LRRIQ1: variants seen among roughly 807,000 people sequenced by gnomAD.
LRRIQ1 encodes leucine-rich repeat- and IQ domain-containing protein 1.
In LRRIQ1, 210 loss-of-function variants were observed where a neutral mutation model predicts 211.9. The ratio of observed to expected loss-of-function variants is 0.99; its 90% CI spans 0.89 to 1.11. The LOEUF is 1.11. Ranked by LOEUF, LRRIQ1 falls within the 50% of genes most tolerant of loss-of-function variation. LRRIQ1 has a pLI of 0.00. For missense variants in LRRIQ1, 2,136 were observed against 1,939.5 expected (o/e 1.10, Z -1.90); for synonymous variants, 699 against 650.1 (o/e 1.08, Z -1.14).
chr12:85,192,894 A>G (rs1264358766), intron 24 of LRRIQ1, among the ~76,000 whole-genome samples: 3 of 98,728 alleles, frequency 3.0e-5, no homozygotes, highest in East Asian at 3.0e-4. Context: ...ATATATAGTT[A>G]TATACTATAA....
At chr12:85,068,031 T>C (rs1882629778) in intron 10 of LRRIQ1, among the ~76,000 whole-genome samples, 1 of 151,980 alleles carries the variant, frequency 6.6e-6, no homozygotes, top group Non-Finnish European at 1.5e-5. Context: ...ATAAAAATTG[T>C]ATTATTCACC....
At chr12:85,215,205 A>G (rs1039625690) in intron 24 of LRRIQ1, among the ~76,000 whole-genome samples, 3 of 152,204 alleles carry the variant, frequency 2.0e-5, no homozygotes, top group African/African-American at 7.2e-5. Context: ...GCTAATTGGA[A>G]TATATTATAA....
intron 3 of LRRIQ1, among the ~76,000 whole-genome samples, chr12:85,042,021 A>G (rs1311808979): frequency 6.6e-6 from 1 of 151,978 alleles, no homozygotes; most frequent in Non-Finnish European, 1.5e-5. Context: ...ATGATTATCT[A>G]TGGTTGAATT....
rs758123514 is a variant in LRRIQ1, at chr12:85,056,901, C to T, written c.2108C>T (p.Ser703Phe). ...ESSMVSKEVNSLKSEIRNISE... is the reference protein window; with the variant it reads ...ESSMVSKEVNFLKSEIRNISE... Reference sequence around the variant, plus strand: ...TCCATGGTATCTAAAGAAGTCAACTCTCTTAAATCTGAGATTAGAAATATT... The same window carrying T: ...TCCATGGTATCTAAAGAAGTCAACTTTCTTAAATCTGAGATTAGAAATATT... The change falls in exon 8 of 27, where the codon TCT (serine) becomes TTT (phenylalanine). Residue 703 changes from serine to phenylalanine, a missense_variant. Physicochemically the swap from Ser to Phe is radical, Grantham distance 155 (BLOSUM62 -2). Transcript: ENST00000393217. 36 of 1,613,100 alleles carry T rather than the reference C, an allele frequency of 2.2e-5. No homozygotes were observed. Among genetic ancestry groups the T allele is most frequent in the African/African-American group, 2.7e-5 (2 of 74,826 alleles).
At chr12:85,198,963 T>A in intron 24 of LRRIQ1, among the ~76,000 whole-genome samples, 1 of 152,146 alleles carries the variant, frequency 6.6e-6, no homozygotes, top group East Asian at 1.9e-4. Context: ...AATGGGGTTG[T>A]TTGTTTTGTT....
Position 85,205,976 on chromosome 12 carries a change from G to A in LRRIQ1, c.4823-23541G>A, listed in dbSNP as rs118100424. Among the ~76,000 whole-genome samples, 1,194 of 152,258 alleles carry A rather than the reference G, an allele frequency of 7.8e-3. 25 individuals are homozygous for A. The highest frequency in any genetic ancestry group is 0.075 in the East Asian group (387 of 5,180). ...CTCAATTTGGTTCTCTGGCCCCTCA[G>A]GGTTGGGAACTTGCTGGATTGTAAG... is the stretch of plus-strand genomic sequence containing the variant. On this transcript the variant is annotated intron_variant, in intron 24 of 26. Transcript: ENST00000393217.
chr12:85,089,215 T>G (rs1808484048), intron 11 of LRRIQ1, among the ~76,000 whole-genome samples: 1 of 152,216 alleles, frequency 6.6e-6, no homozygotes, highest in African/African-American at 2.4e-5. Flanking sequence ...GTTTTTGTCT[T>G]TGGTTCTGTT....
At chr12:85,197,867 A>G (rs1372209248) in intron 24 of LRRIQ1, among the ~76,000 whole-genome samples, 1 of 135,226 alleles carries the variant, frequency 7.4e-6, no homozygotes, top group Non-Finnish European at 1.5e-5. Flanking sequence ...TATAATAAAT[A>G]TAATAAATTT....
At chr12:85,132,024 T>C (rs1228059910) in intron 18 of LRRIQ1, among the ~76,000 whole-genome samples, 2 of 152,056 alleles carry the variant, frequency 1.3e-5, no homozygotes, top group Non-Finnish European at 2.9e-5. Context: ...GATATAGATA[T>C]CTCTGTGTGA....
At chr12:85,206,941 A>G (rs1179652785) in intron 24 of LRRIQ1, among the ~76,000 whole-genome samples, 6 of 152,040 alleles carry the variant, frequency 3.9e-5, no homozygotes, top group Non-Finnish European at 5.9e-5. Context: ...CCCTTGGAAG[A>G]TGGGTGTCAC....
At chr12:85,195,370 A>G (rs866710127) in intron 24 of LRRIQ1, among the ~76,000 whole-genome samples, 3 of 151,978 alleles carry the variant, frequency 2.0e-5, no homozygotes, top group African/African-American at 7.3e-5. Flanking sequence ...CACACAACAA[A>G]AAAAAGAGAA....
chr12:85,042,371 A>G (rs1878990181), intron 3 of LRRIQ1, among the ~76,000 whole-genome samples: 1 of 149,250 alleles, frequency 6.7e-6, no homozygotes, highest in African/African-American at 2.4e-5. Context: ...AAAATCGTTA[A>G]TTATTTAAAT....
chr12:85,099,684 G>T (rs1886192221), intron 13 of LRRIQ1, among the ~76,000 whole-genome samples: 1 of 151,702 alleles, frequency 6.6e-6, no homozygotes, highest in South Asian at 2.1e-4. Context: ...GTAGGGGAAA[G>T]AAACCACCTT....
In LRRIQ1 at chr12:85,124,137, A is replaced by C. The variant is rs138568369; in HGVS notation, c.3625A>C (p.Thr1209Pro). The C allele has an allele frequency of 3.2e-4, 516 of 1,614,090 alleles. 7 individuals are homozygous for C. The African/African-American group carries it at 5.8e-3, about 18-fold the overall frequency. Residue 1209 changes from threonine to proline, a missense_variant, in exon 17 of 27, where the codon ACT (threonine) becomes CCT (proline). By Grantham distance (38) the Thr-to-Pro change is conservative. Coordinates refer to ENST00000393217, the MANE Select transcript of LRRIQ1 (RefSeq NM_001079910.2). ...HYFKKLMILS[T>P]EYRHAHERGD... ...TTTTAAGAAATTGATGATACTTAGT[A>C]CTGAATACCGACATGCACACGAACG...
At position 85,124,449 on chromosome 12, in the gene LRRIQ1, C is replaced by T. The variant is rs1279620166; in HGVS notation, c.3937C>T (p.Pro1313Ser). 1.2e-6 allele frequency: 2 copies of T among 1,613,652 alleles called. No individual in the cohort carries two copies. Among genetic ancestry groups the T allele is most frequent in the African/African-American group, 2.7e-5 (2 of 74,876 alleles). Reference sequence around the variant, plus strand: ...AAGCAGTATTCCCACCATAAGAATCCCATTTAAGGAAGTAGTAATGACAAA... The same window carrying T: ...AAGCAGTATTCCCACCATAAGAATCTCATTTAAGGAAGTAGTAATGACAAA... ...KASSIPTIRI[P>S]FKEVVMTNSL... The change falls in exon 17 of 27, where the codon CCA becomes TCA. Residue 1313 changes from proline to serine, a missense_variant. Pro to Ser is a moderately conservative substitution (Grantham distance 74, BLOSUM62 -1). Coordinates refer to ENST00000393217, the MANE Select transcript of LRRIQ1 (RefSeq NM_001079910.2).
chr12:85,230,232 C>CATA (rs1328172185), intron 25 of LRRIQ1, among the ~76,000 whole-genome samples: 1 of 152,150 alleles, frequency 6.6e-6, no homozygotes, highest in African/African-American at 2.4e-5. Flanking sequence ...AATGTATGTA[C>CATA]CATTTTGCTA....
rs371769403 is a variant in LRRIQ1, at chr12:85,186,305, C to T, written c.4822+25591C>T. ...GGACTTGTTTGTTCAGATGACAGTT[C>T]TTAAAGTGTATAGGGAATATTCCTA... is the stretch of plus-strand genomic sequence containing the variant. On this transcript the variant is annotated intron_variant, in intron 24 of 26. Transcript: ENST00000393217. Among the ~76,000 whole-genome samples the T allele has an allele frequency of 3.9e-5, 6 of 152,248 alleles. No homozygotes were observed. The South Asian group carries it at 1.2e-3, about 32-fold the overall frequency.
chr12:85,042,463 G>T, intron 3 of LRRIQ1, among the ~76,000 whole-genome samples: 1 of 146,674 alleles, frequency 6.8e-6, no homozygotes, highest in African/African-American at 2.5e-5. Context: ...TAAAATAATT[G>T]TTAAAATTAT....
Position 85,244,855 on chromosome 12 carries a change from T to C in LRRIQ1, c.5083T>C (p.Ser1695Pro). 1 of 1,605,282 alleles carries C rather than the reference T, an allele frequency of 6.2e-7. No homozygotes were observed. Among genetic ancestry groups the C allele is most frequent in the Non-Finnish European group, 8.5e-7 (1 of 1,174,824 alleles). Residue 1695 changes from serine to proline, a missense_variant, in exon 27 of 27, where the codon TCT becomes CCT. Ser to Pro is a moderately conservative substitution (Grantham distance 74). Transcript: ENST00000393217. ...LFSMTNGSALSVNREKKNQAH... is the reference protein window; with the variant it reads ...LFSMTNGSALPVNREKKNQAH... Reference sequence around the variant, plus strand: ...TTCCATGACCAATGGAAGTGCTTTGTCTGTGAACAGAGAAAAAAAAAATCA... The same window carrying C: ...TTCCATGACCAATGGAAGTGCTTTGCCTGTGAACAGAGAAAAAAAAAATCA...
Sources: gnomAD v4.1 joint callset for allele counts (sites outside exome capture counted in the v4.1 genomes callset) on GRCh38, gnomAD v4.1.1 for gene constraint, MANE v1.5 for transcripts, NCBI Gene and HGNC (gene_info 2026-07-23, HGNC 2026-07-21) for gene names.